Variants in KATNA1 observed in about 807,000 individuals in gnomAD.
KATNA1 encodes the protein katanin catalytic subunit A1.
In KATNA1, 42 loss-of-function variants were observed where a neutral mutation model predicts 62.6. The observed-to-expected ratio is 0.67, with a 90% CI of 0.52 to 0.87. The LOEUF (loss-of-function observed/expected upper bound fraction) is 0.87, where lower values mean the gene tolerates loss of function less well. Among genes scored for constraint, KATNA1 ranks in the 40% least tolerant of loss-of-function variants. The pLI is 0.00. For synonymous variants in KATNA1, 186 were observed against 201.9 expected (o/e 0.92, Z 0.67); for missense variants, 498 against 612.5 (o/e 0.81, Z 1.97).
chr6:149,621,048 A>AGACCAAGCAGACACCACCT (rs1228789869), intron 4 of KATNA1, among the ~76,000 whole-genome samples: 3 of 152,130 alleles, frequency 2.0e-5, no homozygotes, highest in Non-Finnish European at 4.4e-5. Flanking sequence ...TATTGTGGAG[A>AGACCAAGCAGACACCACCT]GACCAAGCAG....
chr6:149,604,534 T>G, intron 5 of KATNA1, 127 bp downstream of exon 5: 1 of 982,440 alleles, frequency 1.0e-6, no homozygotes, highest in South Asian at 1.4e-5. Context: ...AGGGAAGTCA[T>G]GCTCACGCTG....
At chr6:149,601,059 G>A (rs1562280169) in intron 7 of KATNA1, among the ~76,000 whole-genome samples, 1 of 152,198 alleles carries the variant, frequency 6.6e-6, no homozygotes, top group Non-Finnish European at 1.5e-5. Flanking sequence ...AAAGTCTGAA[G>A]TTTAAAAGGC....
intron 4 of KATNA1, among the ~76,000 whole-genome samples, chr6:149,619,481 C>T (rs866727208): frequency 1.3e-5 from 2 of 151,952 alleles, no homozygotes; most frequent in Non-Finnish European, 2.9e-5. Context: ...GGCGTGGTAG[C>T]GTGTGCCTGT....
intron 3 of KATNA1, among the ~76,000 whole-genome samples, chr6:149,629,532 A>G (rs572342181): frequency 1.3e-5 from 2 of 152,310 alleles, no homozygotes; most frequent in Admixed American, 1.3e-4. Context: ...GCAGACTAAT[A>G]CAAGACCCAA....
At chr6:149,605,110 T>C (rs1778688746) in intron 4 of KATNA1, among the ~76,000 whole-genome samples, 1 of 151,738 alleles carries the variant, frequency 6.6e-6, no homozygotes, top group African/African-American at 2.4e-5. Flanking sequence ...GAGGCAGAGC[T>C]TGCAGTGAGC....
intron 6 of KATNA1, 87 bp downstream of exon 6, chr6:149,603,181 C>T (rs1432413365): frequency 1.3e-5 from 8 of 598,186 alleles, no homozygotes; most frequent in Non-Finnish European, 2.1e-5. Context: ...TTTCTCCCTC[C>T]ACTTTTCCCA....
intron 2 of KATNA1, among the ~76,000 whole-genome samples, chr6:149,635,419 G>A (rs113611130): frequency 6.6e-6 from 1 of 152,180 alleles, no homozygotes; most frequent in African/African-American, 2.4e-5. Flanking sequence ...CTTAAAAATG[G>A]CCAAGGCCAA....
intron 1 of KATNA1, among the ~76,000 whole-genome samples, chr6:149,639,254 G>A (rs1183087940): frequency 1.3e-5 from 2 of 151,972 alleles, no homozygotes; most frequent in African/African-American, 4.8e-5. Flanking sequence ...GGCCAAGATC[G>A]TGCCACTGTA....
chr6:149,606,983 T>C (rs114699258), intron 4 of KATNA1, among the ~76,000 whole-genome samples: 2,409 of 152,288 alleles, frequency 0.016, 67 homozygotes, highest in African/African-American at 0.055. Flanking sequence ...ATAAAGTTGT[T>C]ACTCATTTAC....
chr6:149,622,155 C>T (rs140042351), intron 4 of KATNA1, among the ~76,000 whole-genome samples: 1,939 of 149,002 alleles, frequency 0.013, 51 homozygotes, highest in African/African-American at 0.046. Context: ...TTCCTCAAGA[C>T]GGAGTCTCGC....
At chr6:149,619,818 A>G (rs891055161) in intron 4 of KATNA1, among the ~76,000 whole-genome samples, 1 of 152,216 alleles carries the variant, frequency 6.6e-6, no homozygotes, top group South Asian at 2.1e-4. Context: ...CAGAATCAGG[A>G]TTGCTAGATT....
At chr6:149,648,844 G>A (rs1000361329), upstream of KATNA1, 5 of 152,322 alleles carry the variant, frequency 3.3e-5, no homozygotes, top group East Asian at 1.9e-4. Context: ...GCGGAGACCA[G>A]GGATAGTATA....
intron 3 of KATNA1, among the ~76,000 whole-genome samples, chr6:149,629,761 A>G (rs1206132808): frequency 6.6e-6 from 1 of 152,182 alleles, no homozygotes; most frequent in Non-Finnish European, 1.5e-5. Flanking sequence ...TTAACTATAT[A>G]TAGGTTACAT....
At chr6:149,633,056 C>T (rs2114609228) in intron 2 of KATNA1, 140 bp from the exon 3 acceptor site, 1 of 468,812 alleles carries the variant, frequency 2.1e-6, no homozygotes, top group Non-Finnish European at 3.7e-6. Context: ...GATATTCTAT[C>T]AAAATGTTAA....
intron 4 of KATNA1, among the ~76,000 whole-genome samples, chr6:149,614,405 T>C (rs1779084454): frequency 6.6e-6 from 1 of 152,204 alleles, no homozygotes; most frequent in South Asian, 2.1e-4. Flanking sequence ...TTCATTTTTC[T>C]CTTTTTTCCC....
intron 7 of KATNA1, among the ~76,000 whole-genome samples, chr6:149,600,173 C>A (rs1778481917): frequency 8.4e-6 from 1 of 119,402 alleles, no homozygotes; most frequent in Non-Finnish European, 1.6e-5. Context: ...ACAACCTGTG[C>A]AATATAGTGA....
At chr6:149,626,291 A>ATTTTTTTTTT (rs1779603710) in intron 3 of KATNA1, among the ~76,000 whole-genome samples, 15 of 74,330 alleles carry the variant, frequency 2.0e-4, no homozygotes, top group African/African-American at 5.5e-4. Flanking sequence ...TATAACATTT[A>ATTTTTTTTTT]CTTTTTTTTT....
chr6:149,642,972 C>A (rs1231385642), intron 1 of KATNA1, among the ~76,000 whole-genome samples: 1 of 152,224 alleles, frequency 6.6e-6, no homozygotes, highest in African/African-American at 2.4e-5. Context: ...TATATAATTA[C>A]TACCCCTTGA....
At chr6:149,638,333 T>A in intron 2 of KATNA1, 53 bp downstream of exon 2, 1 of 1,539,962 alleles carries the variant, frequency 6.5e-7, no homozygotes. Flanking sequence ...TGATCTAAAT[T>A]TTCTCTTCCG....
Sources: allele counts gnomAD v4.1 joint callset (sites outside exome capture counted in the v4.1 genomes callset), GRCh38; gene constraint gnomAD v4.1.1; transcripts MANE v1.5; gene names NCBI Gene and HGNC (gene_info 2026-07-23, HGNC 2026-07-21).